The following ITSN1 variants were observed in gnomAD, a reference collection of about 807,000 sequenced individuals.
The protein encoded by ITSN1 is intersectin 1.
Under a neutral mutation model 239.8 loss-of-function variants are expected in ITSN1, and 58 were observed. The ratio of observed to expected loss-of-function variants is 0.24; its 90% confidence interval spans 0.20 to 0.30. ITSN1 has a LOEUF of 0.30. Among genes scored for constraint, ITSN1 ranks in the 10% least tolerant of loss-of-function variants. The pLI is 1.00. For synonymous variants in ITSN1, 780 were observed against 770.8 expected, an observed-to-expected ratio of 1.01 and a Z score of -0.20; for missense variants, 1,558 against 2,103.3, an observed-to-expected ratio of 0.74 and a Z score of 5.07.
intron 29 of ITSN1, among the ~76,000 whole-genome samples, chr21:33,850,623 G>A (rs534606488): frequency 1.6e-4 from 24 of 152,194 alleles, no homozygotes; most frequent in Non-Finnish European, 2.8e-4. Flanking sequence ...CCCCGGGGCC[G>A]AGCGTGGATG....
chr21:33,826,759 T>C, intron 25 of ITSN1, 59 bp from the exon 26 acceptor site: 1 of 1,521,490 alleles, frequency 6.6e-7, no homozygotes, highest in Non-Finnish European at 9.1e-7. Context: ...ATTAATCGTT[T>C]TTAAAGTTGC....
chr21:33,896,361 C>G lies in ITSN1; in HGVS notation c.*8061C>G, dbSNP rs575639004. ...GGCATCCACTGGGAGCTTTTCTCCCCTTTCCTGGGAGGACAGCAAGCCTTT... is the reference window on the plus strand; with the variant it reads ...GGCATCCACTGGGAGCTTTTCTCCCGTTTCCTGGGAGGACAGCAAGCCTTT... On this transcript the variant is annotated 3_prime_UTR_variant, in exon 40 of 40. Coordinates refer to ENST00000381318, the MANE Select transcript of ITSN1 (RefSeq NM_003024.3). The G allele has an allele frequency of 1.3e-5, 2 of 152,476 alleles. No individual in the cohort carries two copies. The highest frequency in any genetic ancestry group is 2.9e-5 in the Non-Finnish European group (2 of 68,130). The allele number at this position is 152,476 out of a possible 1,614,324, so 9.4% of individuals were successfully genotyped here. A position where few individuals can be genotyped will look rare whatever the true frequency, so the allele number is the denominator to read the frequency against.
At chr21:33,730,794 G>C (rs546520909) in intron 4 of ITSN1, among the ~76,000 whole-genome samples, 5 of 151,964 alleles carry the variant, frequency 3.3e-5, no homozygotes, top group Non-Finnish European at 5.9e-5. Flanking sequence ...CCGTCTCCCA[G>C]GTTCAAGCAA....
intron 1 of ITSN1, among the ~76,000 whole-genome samples, chr21:33,698,851 C>T (rs1390912773): frequency 6.6e-6 from 1 of 152,190 alleles, no homozygotes; most frequent in Non-Finnish European, 1.5e-5. Context: ...AGAACAGGGA[C>T]ATAGGCTCTT....
intron 4 of ITSN1, among the ~76,000 whole-genome samples, chr21:33,729,455 C>CA (rs2066030138): frequency 7.1e-6 from 1 of 141,132 alleles, no homozygotes; most frequent in African/African-American, 2.6e-5. Flanking sequence ...CTCAAACAAA[C>CA]AAACAAATAA....
intron 27 of ITSN1, 37 bp from the exon 28 acceptor site, chr21:33,834,270 C>A: frequency 6.8e-7 from 1 of 1,462,148 alleles, no homozygotes; most frequent in Non-Finnish European, 9.6e-7. Flanking sequence ...AAAAGATGCG[C>A]CTTTAAAAAT....
At chr21:33,737,718 G>A (rs2066590441) in intron 5 of ITSN1, among the ~76,000 whole-genome samples, 1 of 151,878 alleles carries the variant, frequency 6.6e-6, no homozygotes, top group Non-Finnish European at 1.5e-5. Flanking sequence ...GGACTACAGG[G>A]ACATGCCGCA....
At chr21:33,887,972 C>G (rs778115190) in intron 39 of ITSN1, among the ~76,000 whole-genome samples, 180 bp from the exon 40 acceptor site, 22 of 151,812 alleles carry the variant, frequency 1.4e-4, no homozygotes, top group Non-Finnish European at 2.9e-4. Flanking sequence ...TAATGAAATA[C>G]CATGACACAT....
intron 4 of ITSN1, among the ~76,000 whole-genome samples, chr21:33,728,718 C>T (rs186107593): frequency 9.2e-5 from 14 of 152,214 alleles, no homozygotes; most frequent in Non-Finnish European, 1.5e-4. Context: ...GTCCCCTCTG[C>T]CCACCTCTTT....
chr21:33,776,740 C>T (rs1362998331), intron 14 of ITSN1, among the ~76,000 whole-genome samples: 2 of 152,052 alleles, frequency 1.3e-5, no homozygotes, highest in East Asian at 3.9e-4. Flanking sequence ...CTGAACAAAT[C>T]TTTTGCCCAT....
intron 1 of ITSN1, among the ~76,000 whole-genome samples, chr21:33,676,593 T>G (rs917378715): frequency 7.2e-5 from 11 of 152,242 alleles, no homozygotes; most frequent in African/African-American, 2.7e-4. Context: ...TTTGTTTTGA[T>G]GCAAGCAAAT....
intron 2 of ITSN1, 139 bp downstream of exon 2, chr21:33,718,995 A>G: frequency 1.4e-6 from 1 of 691,782 alleles, no homozygotes; most frequent in Non-Finnish European, 2.5e-6. Flanking sequence ...AGTTTCATTA[A>G]TTATCAACTC....
intron 20 of ITSN1, among the ~76,000 whole-genome samples, chr21:33,806,116 C>T (rs977161244): frequency 4.0e-5 from 6 of 149,896 alleles, no homozygotes; most frequent in Non-Finnish European, 8.9e-5. Context: ...GAGGCTGAGG[C>T]AGGAGAATGG....
intron 27 of ITSN1, among the ~76,000 whole-genome samples, chr21:33,833,726 C>G (rs1361978187): frequency 6.6e-6 from 1 of 152,080 alleles, no homozygotes. Context: ...ACAAAATTAG[C>G]CGGGCATGGT....
chr21:33,770,733 A>C (rs183053761), intron 11 of ITSN1, among the ~76,000 whole-genome samples: 150 of 150,788 alleles, frequency 9.9e-4, no homozygotes, highest in Non-Finnish European at 1.8e-3. Flanking sequence ...GTATCATTAC[A>C]TCATCCCTTT....
At position 33,890,545 on chromosome 21, in the gene ITSN1, C is replaced by T. The variant is rs548152507; in HGVS notation, c.*2245C>T. On this transcript the variant is annotated 3_prime_UTR_variant, in exon 40 of 40. Coordinates refer to ENST00000381318, the MANE Select transcript of ITSN1 (RefSeq NM_003024.3). ...AGATGCTCCTGCCATGTAGCAAGTT[C>T]TGGATTAGTGTCCTTGTATTTACTG... 6.6e-6 allele frequency: 1 copy of T among 152,216 alleles called. No homozygotes were observed. The highest frequency in any genetic ancestry group is 1.5e-5 in the Non-Finnish European group (1 of 68,042). The allele number at this position is 152,216 out of a possible 1,614,324, so 9.4% of individuals were successfully genotyped here.
chr21:33,753,767 A>AAACAAAAC (rs2067725613), intron 7 of ITSN1, among the ~76,000 whole-genome samples: 1 of 146,246 alleles, frequency 6.8e-6, no homozygotes, highest in African/African-American at 2.7e-5. Flanking sequence ...TTCTTAAAAA[A>AAACAAAAC]AAAAAAAAAA....
In ITSN1 at chr21:33,888,321, T is replaced by A; in HGVS notation, c.*21T>A. 6.2e-7 allele frequency: 1 copy of A among 1,600,398 alleles called. No individual in the cohort carries two copies. Among genetic ancestry groups the A allele is most frequent in the Non-Finnish European group, 8.5e-7 (1 of 1,172,296 alleles). On this transcript the variant is annotated 3_prime_UTR_variant, in exon 40 of 40. Coordinates refer to ENST00000381318, the MANE Select transcript of ITSN1 (RefSeq NM_003024.3). The stretch of plus-strand genomic sequence containing the variant: ...CGTAGGCAGCGGGCTCAGGGTGTGC[T>A]CAGCAGGGTCCCAGCCCACGGCCAC...
intron 1 of ITSN1, among the ~76,000 whole-genome samples, chr21:33,687,218 G>A (rs1008401990): frequency 6.7e-6 from 1 of 150,064 alleles, no homozygotes; most frequent in Non-Finnish European, 1.5e-5. Context: ...GTGACAGAGC[G>A]AGACTCTGTC....
Sources: allele counts gnomAD v4.1 joint callset (sites outside exome capture counted in the v4.1 genomes callset), GRCh38; gene constraint gnomAD v4.1.1; transcripts MANE v1.5; gene names NCBI Gene and HGNC (gene_info 2026-07-23, HGNC 2026-07-21).